Variants in PDE1C observed in about 807,000 individuals in gnomAD.
PDE1C encodes the protein dual specificity calcium/calmodulin-dependent 3',5'-cyclic nucleotide phosphodiesterase 1C.
In PDE1C, 62 loss-of-function variants were observed where a neutral mutation model predicts 93.1. The ratio of observed to expected loss-of-function variants is 0.67; its 90% CI spans 0.54 to 0.82. The LOEUF (loss-of-function observed/expected upper bound fraction) is 0.82, where lower values mean the gene tolerates loss of function less well. Among genes scored for constraint, PDE1C ranks in the 40% least tolerant of loss-of-function variants. The pLI, the probability that PDE1C is intolerant of heterozygous loss-of-function variation, is 0.00. For missense variants in PDE1C, 742 were observed against 884.6 expected (o/e 0.84, Z 2.04); for synonymous variants, 325 against 310.1 (o/e 1.05, Z -0.50).
chr7:32,258,622 C>T (rs1242614106), intron 1 of PDE1C, among the ~76,000 whole-genome samples: 1 of 152,076 alleles, frequency 6.6e-6, no homozygotes, highest in African/African-American at 2.4e-5. Flanking sequence ...GAGGAATCAC[C>T]ATGTTAAAAA....
intron 2 of PDE1C, among the ~76,000 whole-genome samples, chr7:32,046,461 T>C (rs1303855412): frequency 2.0e-5 from 3 of 152,106 alleles, no homozygotes; most frequent in Non-Finnish European, 4.4e-5. Flanking sequence ...AATACTTATA[T>C]CTATTATAGC....
intron 1 of PDE1C, among the ~76,000 whole-genome samples, chr7:32,418,464 G>A (rs1165783408): frequency 1.3e-5 from 2 of 152,224 alleles, no homozygotes; most frequent in South Asian, 2.1e-4. Context: ...AAATGTTAAC[G>A]TCTATTGTTC....
chr7:32,172,823 TAAAAAAA>T (rs70989638), intron 2 of PDE1C, among the ~76,000 whole-genome samples: 4 of 104,448 alleles, frequency 3.8e-5, no homozygotes, highest in Non-Finnish European at 5.6e-5. Flanking sequence ...ACTCCATCTT[TAAAAAAA>T]AAAAAAAAAA....
At chr7:31,968,437 C>A (rs1371739766) in intron 2 of PDE1C, among the ~76,000 whole-genome samples, 1 of 151,824 alleles carries the variant, frequency 6.6e-6, no homozygotes, top group Non-Finnish European at 1.5e-5. Flanking sequence ...GAACTACAAA[C>A]CACTGCTCAA....
chr7:31,664,992 C>T, the PDE1C span, among the ~76,000 whole-genome samples: 1 of 152,184 alleles, frequency 6.6e-6, no homozygotes, highest in Non-Finnish European at 1.5e-5. Context: ...AAAATGGAAT[C>T]TCCACTCCTT....
At chr7:31,619,690 G>T in the PDE1C span, among the ~76,000 whole-genome samples, 4 of 152,086 alleles carry the variant, frequency 2.6e-5, no homozygotes, top group African/African-American at 9.7e-5. Flanking sequence ...GCAGAAGACG[G>T]GTGATTTCTG....
At chr7:32,149,131 G>A (rs551042092) in intron 3 of PDE1C, among the ~76,000 whole-genome samples, 45 of 152,292 alleles carry the variant, frequency 3.0e-4, no homozygotes, top group Non-Finnish European at 5.6e-4. Context: ...ACACTGCAGA[G>A]TACCCAAAGA....
At chr7:31,865,927 G>A (rs916412009) in intron 6 of PDE1C, among the ~76,000 whole-genome samples, 11 of 151,998 alleles carry the variant, frequency 7.2e-5, no homozygotes, top group African/African-American at 1.7e-4. Context: ...ATTTCTCAAC[G>A]AATAAAATAC....
intron 1 of PDE1C, among the ~76,000 whole-genome samples, chr7:32,069,197 T>C (rs1462954698): frequency 1.2e-4 from 18 of 152,204 alleles, no homozygotes; most frequent in Non-Finnish European, 7.3e-5. Context: ...CATACTACCT[T>C]AATGCTTCTC....
In PDE1C at chr7:31,753,524, G is replaced by A. The variant is rs775393302; in HGVS notation, c.1990C>T (p.Arg664Cys). 170 of 1,610,806 alleles carry A rather than the reference G, an allele frequency of 1.1e-4. No individual in the cohort carries two copies. Among genetic ancestry groups the A allele is most frequent in the African/African-American group, 2.8e-4 (21 of 74,836 alleles). The change falls in exon 18 of 18, where the codon CGC (arginine) becomes TGC (cysteine). Residue 664 changes from arginine to cysteine, a missense_variant. By Grantham distance (180) the Arg-to-Cys change is radical (BLOSUM62 -3). Around this residue, in one of 4 missense-constraint regions of PDE1C, gnomAD observed 454 missense variants for 459.4 expected, o/e 0.99. Coordinates refer to ENST00000396191, the MANE Select transcript of PDE1C (RefSeq NM_001191057.4). ...VIKPPLRHFKRPAYASSSYAP... is the reference protein window; with the variant it reads ...VIKPPLRHFKCPAYASSSYAP... ...TAGGAGCTAGATGCGTAAGCAGGGC[G>A]TTTAAAATGACGCAAAGGAGGCTTG...
chr7:32,045,310 G>T (rs906102377), intron 2 of PDE1C, among the ~76,000 whole-genome samples: 4 of 151,890 alleles, frequency 2.6e-5, no homozygotes, highest in Admixed American at 2.0e-4. Flanking sequence ...ATCCATCTGT[G>T]ACTGGGGCTC....
At chr7:32,400,834 C>G (rs1028470907) in intron 1 of PDE1C, among the ~76,000 whole-genome samples, 1 of 152,222 alleles carries the variant, frequency 6.6e-6, no homozygotes, top group South Asian at 2.1e-4. Flanking sequence ...AGAAGGTTCC[C>G]TTCCTTATCC....
chr7:31,884,131 C>A (rs181867752), intron 2 of PDE1C, among the ~76,000 whole-genome samples: 4 of 152,146 alleles, frequency 2.6e-5, no homozygotes, highest in Admixed American at 2.6e-4. Context: ...GTGAGGGAAC[C>A]TAGAACAACC....
chr7:31,972,507 T>C (rs977314305), intron 2 of PDE1C, among the ~76,000 whole-genome samples: 4 of 152,206 alleles, frequency 2.6e-5, no homozygotes, highest in Non-Finnish European at 5.9e-5. Context: ...GTCATTGTCA[T>C]GTGCAGAAGT....
chr7:32,274,346 C>G (rs983809174), intron 1 of PDE1C, among the ~76,000 whole-genome samples: 2 of 150,308 alleles, frequency 1.3e-5, no homozygotes, highest in Non-Finnish European at 3.0e-5. Flanking sequence ...TAGCTGGGAC[C>G]ACAGGTGTGC....
chr7:32,209,387 T>C (rs555126938), intron 2 of PDE1C: 19 of 964,092 alleles, frequency 2.0e-5, no homozygotes, highest in Non-Finnish European at 2.9e-5. Context: ...ACTATTTTAT[T>C]AACACCTGAC....
intron 2 of PDE1C, among the ~76,000 whole-genome samples, chr7:32,002,040 C>A (rs1785534128): frequency 6.6e-6 from 1 of 152,132 alleles, no homozygotes; most frequent in Non-Finnish European, 1.5e-5. Context: ...GCCTGGGTGA[C>A]AGAGCAAGAC....
chr7:32,163,971 T>G (rs1392079680), intron 3 of PDE1C, among the ~76,000 whole-genome samples: 1 of 152,220 alleles, frequency 6.6e-6, no homozygotes, highest in African/African-American at 2.4e-5. Context: ...CAAAGCCCAT[T>G]ATTTTACTGT....
At chr7:31,620,168 C>T in the PDE1C span, among the ~76,000 whole-genome samples, 1 of 152,182 alleles carries the variant, frequency 6.6e-6, no homozygotes, top group Non-Finnish European at 1.5e-5. Context: ...CAGGCTCCAC[C>T]TCTGGGGGCA....
Sources: gnomAD v4.1 joint callset for allele counts (sites outside exome capture counted in the v4.1 genomes callset) on GRCh38, gnomAD v4.1.1 for gene constraint, gnomAD v4.1.1 regional missense constraint, MANE v1.5 for transcripts, NCBI Gene and HGNC (gene_info 2026-07-23, HGNC 2026-07-21) for gene names.